ARHGEF7: variants seen among roughly 807,000 people sequenced by gnomAD.
The protein encoded by ARHGEF7 is PAK-interacting exchange factor beta.
In ARHGEF7, 33 loss-of-function variants were observed where a neutral mutation model predicts 109.8. The ratio of observed to expected loss-of-function variants is 0.30; its 90% CI spans 0.23 to 0.40. ARHGEF7 has a LOEUF of 0.40. Among genes scored for constraint, ARHGEF7 ranks in the 10% least tolerant of loss-of-function variants. The pLI, the probability that ARHGEF7 is intolerant of heterozygous loss-of-function variation, is 1.00. For synonymous variants in ARHGEF7, 458 were observed against 424.6 expected, an observed-to-expected ratio of 1.08 and a Z score of -0.97; for missense variants, 938 against 1,098.5, an observed-to-expected ratio of 0.85 and a Z score of 2.07.
In ARHGEF7 at chr13:111,259,714, C is replaced by T. The variant is rs1465178465; in HGVS notation, c.951-7834C>T. Among the ~76,000 whole-genome samples the T allele has an allele frequency of 3.3e-5, 5 of 152,162 alleles. No individual in the cohort carries two copies. In the South Asian group the frequency reaches 6.2e-4, roughly 19 times the overall value. On this transcript the variant is annotated intron_variant, in intron 8 of 21. Transcript: ENST00000646102. ...ACCTAGCTCTTCAACGCCCAGTGCCCAGACACTGACAAACATCCACAAGCA... is the reference window on the plus strand; with the variant it reads ...ACCTAGCTCTTCAACGCCCAGTGCCTAGACACTGACAAACATCCACAAGCA...
At chr13:111,188,759 CTACT>C (rs1372304592) in intron 2 of ARHGEF7, among the ~76,000 whole-genome samples, 3 of 152,200 alleles carry the variant, frequency 2.0e-5, no homozygotes, top group African/African-American at 7.2e-5. Flanking sequence ...CAGCTAAGAG[CTACT>C]TACTTTTATC....
At position 111,221,393 on chromosome 13, in the gene ARHGEF7, C is replaced by CTATA. The variant is rs1281682476; in HGVS notation, c.670+3517_670+3520dup. Among the ~76,000 whole-genome samples the CTATA allele has an allele frequency of 7.9e-3, 43 of 5,456 alleles. 4 individuals are homozygous for CTATA. Among genetic ancestry groups the CTATA allele is most frequent in the Non-Finnish European group, 0.018 (33 of 1,806 alleles). 3.6% of individuals were successfully genotyped at this position (5,456 alleles called of 152,430 possible). A position where few individuals can be genotyped will look rare whatever the true frequency, so the allele number is the denominator to read the frequency against. On this transcript the variant is annotated intron_variant, in intron 5 of 21. Coordinates refer to ENST00000646102, the MANE Select transcript of ARHGEF7 (RefSeq NM_001354046.2). ...TATATATATCTATATATATAGATGT[C>CTATA]TATATATCTATATATATAGATGTCT...
At chr13:111,275,863 T>C (rs2092445234) in intron 12 of ARHGEF7, 185 bp downstream of exon 12, 13 of 704,510 alleles carry the variant, frequency 1.8e-5, no homozygotes, top group South Asian at 3.6e-5. Context: ...GGCTTAGAGC[T>C]GAGTGTGGAC....
At chr13:111,284,426 A>C (rs892196613) in intron 16 of ARHGEF7, among the ~76,000 whole-genome samples, 2 of 152,178 alleles carry the variant, frequency 1.3e-5, no homozygotes, top group Admixed American at 1.3e-4. Context: ...TGCAAGTCAG[A>C]ATTTCCATTT....
chr13:111,298,493 G>T (rs940406858), intron 19 of ARHGEF7, among the ~76,000 whole-genome samples: 1 of 152,116 alleles, frequency 6.6e-6, no homozygotes, highest in Non-Finnish European at 1.5e-5. Flanking sequence ...GTCCTCTCCC[G>T]TGGCCTCTTG....
chr13:111,163,111 T>C (rs1419227), intron 2 of ARHGEF7, among the ~76,000 whole-genome samples: 7 of 152,238 alleles, frequency 4.6e-5, no homozygotes, highest in Admixed American at 4.6e-4. Context: ...ATTGACTGAT[T>C]CATTGAATAA....
chr13:111,167,835 T>C, intron 2 of ARHGEF7, among the ~76,000 whole-genome samples: 1 of 152,184 alleles, frequency 6.6e-6, no homozygotes, highest in East Asian at 1.9e-4. Context: ...CCACTGAGAA[T>C]GTAGTGCCTT....
chr13:111,115,434 A>AGGC lies in ARHGEF7; in HGVS notation c.-75_-73dup, dbSNP rs1452458924. On this transcript the variant is annotated 5_prime_UTR_variant, in exon 1 of 22. Coordinates refer to ENST00000646102, the MANE Select transcript of ARHGEF7 (RefSeq NM_001354046.2). ...GCCGGCGCCGGCCGCTCGATGGGCGAGGCGGCGGCGGCGGCGGCGGGGGCC... is the reference window on the plus strand; with the variant it reads ...GCCGGCGCCGGCCGCTCGATGGGCGAGGCGGCGGCGGCGGCGGCGGCGGGGGCC... 1,283 of 931,312 alleles carry AGGC rather than the reference A, an allele frequency of 1.4e-3. 37 individuals carry two copies. The Admixed American group carries it at 0.055, about 40-fold the overall frequency. The allele number at this position is 931,312 out of a possible 1,614,324, so 57.7% of individuals were successfully genotyped here. A position where few individuals can be genotyped will look rare whatever the true frequency, so the allele number is the denominator to read the frequency against.
chr13:111,274,819 C>G, intron 11 of ARHGEF7, 29 bp downstream of exon 11: 1 of 1,350,132 alleles, frequency 7.4e-7, no homozygotes, highest in Non-Finnish European at 9.8e-7. Context: ...TGTTTTCCCC[C>G]CCAGACATTA....
intron 2 of ARHGEF7, among the ~76,000 whole-genome samples, chr13:111,202,105 G>C (rs1375883094): frequency 6.6e-6 from 1 of 152,156 alleles, no homozygotes; most frequent in Admixed American, 6.5e-5. Context: ...TAAAAGTAAG[G>C]GTGAGTGTTT....
At chr13:111,233,093 G>A in intron 5 of ARHGEF7, 112 bp from the exon 6 acceptor site, 1 of 897,704 alleles carries the variant, frequency 1.1e-6, no homozygotes. Flanking sequence ...TTGCCATTTG[G>A]CTTGTTAATT....
intron 2 of ARHGEF7, among the ~76,000 whole-genome samples, chr13:111,190,801 G>A (rs1048222438): frequency 6.6e-6 from 1 of 152,198 alleles, no homozygotes; most frequent in Non-Finnish European, 1.5e-5. Context: ...TTCCACATAA[G>A]AAGAATACAT....
At chr13:111,254,515 CG>C (rs2090198616) in intron 8 of ARHGEF7, among the ~76,000 whole-genome samples, 1 of 144,424 alleles carries the variant, frequency 6.9e-6, no homozygotes, top group South Asian at 2.3e-4. Context: ...GGCGCTGAGT[CG>C]CTAACATGAA....
intron 8 of ARHGEF7, among the ~76,000 whole-genome samples, chr13:111,247,922 G>A (rs2089166452): frequency 6.6e-6 from 1 of 152,112 alleles, no homozygotes; most frequent in Non-Finnish European, 1.5e-5. Context: ...CCTCGACCTG[G>A]CCCTAACCTC....
rs1317746505 is a variant in ARHGEF7 at position 111,267,525 on chromosome 13, C to T, written c.951-23C>T. ...CTGTCTGTAAAACTGATGACTATTT[C>T]CCTTTGTGTCGCATTTCTCCAGGTT... On this transcript the variant is annotated intron_variant, in intron 8 of 21. Transcript: ENST00000646102. 6 of 1,613,050 alleles carry T rather than the reference C, an allele frequency of 3.7e-6. No individual in the cohort carries two copies. In the East Asian group the frequency reaches 1.3e-4, roughly 36 times the overall value.
intron 1 of ARHGEF7, among the ~76,000 whole-genome samples, chr13:111,126,247 T>G (rs1263852201): frequency 1.3e-5 from 2 of 152,220 alleles, no homozygotes; most frequent in Non-Finnish European, 2.9e-5. Context: ...TCCTAGCACT[T>G]TGGGAGGCCG....
intron 2 of ARHGEF7, among the ~76,000 whole-genome samples, chr13:111,188,571 G>T (rs1055713449): frequency 6.6e-6 from 1 of 152,180 alleles, no homozygotes; most frequent in Non-Finnish European, 1.5e-5. Flanking sequence ...CTTCAGGGCC[G>T]ACTTGCATTT....
At chr13:111,299,179 T>C (rs2093497882) in intron 19 of ARHGEF7, among the ~76,000 whole-genome samples, 1 of 152,086 alleles carries the variant, frequency 6.6e-6, no homozygotes, top group Non-Finnish European at 1.5e-5. Flanking sequence ...GCCAGTGAGC[T>C]CCAGGCCTGG....
rs1181705629 is a variant in ARHGEF7, at chr13:111,305,583, T to G, written c.*2470T>G. The G allele has an allele frequency of 6.6e-6, 1 of 152,224 alleles. No homozygotes were observed. Among genetic ancestry groups the G allele is most frequent in the East Asian group, 1.9e-4 (1 of 5,200 alleles). 9.4% of individuals were successfully genotyped at this position (152,224 alleles called of 1,614,324 possible). On this transcript the variant is annotated 3_prime_UTR_variant, in exon 22 of 22. Coordinates refer to ENST00000646102, the MANE Select transcript of ARHGEF7 (RefSeq NM_001354046.2). Reference sequence around the variant, plus strand: ...GTGTGGACTCCTTAATGCCAATCATTTCTTCACTTCTCTGGGACACCCAGG... The same window carrying G: ...GTGTGGACTCCTTAATGCCAATCATGTCTTCACTTCTCTGGGACACCCAGG...
Sources: gnomAD v4.1 joint callset for allele counts (sites outside exome capture counted in the v4.1 genomes callset) on GRCh38, gnomAD v4.1.1 for gene constraint, MANE v1.5 for transcripts, NCBI Gene and HGNC (gene_info 2026-07-23, HGNC 2026-07-21) for gene names.